The following CUX2 variants were observed in gnomAD, a reference collection of about 807,000 sequenced individuals.
CUX2 encodes the protein homeobox protein cut-like 2.
Under a neutral mutation model 144.8 loss-of-function variants are expected in CUX2, and 40 were observed. The ratio of observed to expected loss-of-function variants is 0.28; its 90% CI spans 0.21 to 0.36. The LOEUF is 0.36. Among genes scored for constraint, CUX2 ranks in the 10% least tolerant of loss-of-function variants. The pLI is 1.00. For synonymous variants in CUX2, 827 were observed against 875.6 expected, an observed-to-expected ratio of 0.94 and a Z score of 0.98; for missense variants, 1,615 against 1,994.0, an observed-to-expected ratio of 0.81 and a Z score of 3.62.
intron 17 of CUX2, among the ~76,000 whole-genome samples, chr12:111,321,062 T>TG (rs938956223): frequency 6.6e-6 from 1 of 152,204 alleles, no homozygotes; most frequent in Non-Finnish European, 1.5e-5. Context: ...CAGGACTTGG[T>TG]GGCTCACGCC....
At chr12:111,157,615 A>G (rs1480031891) in intron 1 of CUX2, among the ~76,000 whole-genome samples, 1 of 152,240 alleles carries the variant, frequency 6.6e-6, no homozygotes, top group Non-Finnish European at 1.5e-5. Context: ...TGGGCTTTAC[A>G]TGAAAAGTCC....
chr12:111,262,995 T>C (rs944384049), intron 3 of CUX2, among the ~76,000 whole-genome samples: 1 of 152,148 alleles, frequency 6.6e-6, no homozygotes, highest in African/African-American at 2.4e-5. Context: ...AGGAGGTAGG[T>C]CCTGTTATTT....
intron 1 of CUX2, among the ~76,000 whole-genome samples, chr12:111,203,273 A>G (rs1380637172): frequency 6.6e-6 from 1 of 150,536 alleles, no homozygotes; most frequent in African/African-American, 2.4e-5. Flanking sequence ...GGCCAGGTGC[A>G]GTAGTGCACT....
intron 21 of CUX2, among the ~76,000 whole-genome samples, chr12:111,346,345 G>A (rs766920582): frequency 7.3e-5 from 11 of 151,024 alleles, no homozygotes; most frequent in Non-Finnish European, 1.2e-4. Flanking sequence ...GCATGATGGC[G>A]CCCACCAGTA....
rs531079767 is a variant in CUX2 at position 111,317,722 on chromosome 12, G to A, written c.2003-2290G>A. On this transcript the variant is annotated intron_variant, in intron 16 of 21. Coordinates refer to ENST00000261726, the MANE Select transcript of CUX2 (RefSeq NM_015267.4). ...AGAAAACATGTGATACCGACCGGGC[G>A]CGGTGGCTCACACCTGTAATCCTAG... Among the ~76,000 whole-genome samples the A allele has an allele frequency of 9.2e-5, 14 of 152,296 alleles. No individual in the cohort carries two copies. The South Asian group carries it at 2.1e-3, about 23-fold the overall frequency.
In CUX2 at chr12:111,320,046, C is replaced by T. The variant is rs745929765; in HGVS notation, c.2037C>T (p.Ile679=). Residue 679 remains isoleucine (I), a synonymous_variant, in exon 17 of 22, where the codon ATC becomes ATT. Coordinates refer to ENST00000261726, the MANE Select transcript of CUX2 (RefSeq NM_015267.4). This position sits in a 1 kb window ranked among gnomAD's most constrained non-coding sequence, Gnocchi z 8.1. ...EPKTSVAPLS[I]ANGTTPASTS... ...AGACCTCGGTGGCCCCGCTGAGCAT[C>T]GCCAACGGCACGACCCCCGCCAGCA... The T allele has an allele frequency of 2.7e-5, 42 of 1,542,078 alleles. No homozygotes were observed. Among genetic ancestry groups the T allele is most frequent in the East Asian group, 1.9e-4 (8 of 41,298 alleles).
intron 1 of CUX2, among the ~76,000 whole-genome samples, chr12:111,062,411 A>G (rs570291707): frequency 6.6e-6 from 1 of 152,348 alleles, no homozygotes; most frequent in East Asian, 1.9e-4. Flanking sequence ...TGTCATGTAA[A>G]AAAAGGCTTG....
At chr12:111,234,112 C>T (rs1454563335) in intron 3 of CUX2, among the ~76,000 whole-genome samples, 1 of 152,118 alleles carries the variant, frequency 6.6e-6, no homozygotes, top group Non-Finnish European at 1.5e-5. Context: ...ATTATATGCC[C>T]AAGAGTGGGT....
chr12:111,051,282 CT>C (rs1205197009), intron 1 of CUX2, among the ~76,000 whole-genome samples: 6 of 152,022 alleles, frequency 3.9e-5, no homozygotes, highest in Non-Finnish European at 7.4e-5. Flanking sequence ...CTTCTATTTT[CT>C]TGTTGATTTT....
At position 111,160,121 on chromosome 12, in the gene CUX2, G is replaced by A. The variant is rs1167905773; in HGVS notation, c.64-54079G>A. On this transcript the variant is annotated intron_variant, in intron 1 of 21. Coordinates refer to ENST00000261726, the MANE Select transcript of CUX2 (RefSeq NM_015267.4). The surrounding 1 kb of genome is among the most constrained non-coding windows in gnomAD (Gnocchi z 4.1). Reference sequence around the variant, plus strand: ...TCATTGAGCTCCTGCTGGGTGCTGGGCGCTGGGAATACAGCAATGAACAGA... The same window carrying A: ...TCATTGAGCTCCTGCTGGGTGCTGGACGCTGGGAATACAGCAATGAACAGA... Among the ~76,000 whole-genome samples the A allele has an allele frequency of 6.6e-6, 1 of 152,210 alleles. No individual in the cohort carries two copies. The highest frequency in any genetic ancestry group is 1.5e-5 in the Non-Finnish European group (1 of 68,044).
At chr12:111,164,708 A>C (rs1204576535) in intron 1 of CUX2, among the ~76,000 whole-genome samples, 2 of 152,242 alleles carry the variant, frequency 1.3e-5, no homozygotes, top group East Asian at 3.9e-4. Context: ...TTGCTTTGGG[A>C]GTTTATGAAA....
chr12:111,201,704 G>C (rs1880609031), intron 1 of CUX2, among the ~76,000 whole-genome samples: 1 of 152,170 alleles, frequency 6.6e-6, no homozygotes, highest in African/African-American at 2.4e-5. Context: ...TCTCAGCCCT[G>C]CATGCCAGAG....
chr12:111,212,571 G>A (rs1470794381), intron 1 of CUX2, among the ~76,000 whole-genome samples: 1 of 152,184 alleles, frequency 6.6e-6, no homozygotes, highest in African/African-American at 2.4e-5. Context: ...GCCTCACTAT[G>A]TTGCCCAGGC....
At chr12:111,113,771 G>T (rs769654487) in intron 1 of CUX2, among the ~76,000 whole-genome samples, 2 of 152,084 alleles carry the variant, frequency 1.3e-5, no homozygotes, top group Non-Finnish European at 2.9e-5. Context: ...TGGCCAGGCT[G>T]GTCTCGAACC....
At chr12:111,143,817 T>C (rs1172036390) in intron 1 of CUX2, among the ~76,000 whole-genome samples, 4 of 152,224 alleles carry the variant, frequency 2.6e-5, no homozygotes, top group Non-Finnish European at 5.9e-5. Flanking sequence ...GGGGTTTTTT[T>C]CTTGGAAGCT....
chr12:111,173,720 T>C (rs948640960), intron 1 of CUX2, among the ~76,000 whole-genome samples: 1 of 152,196 alleles, frequency 6.6e-6, no homozygotes, highest in Non-Finnish European at 1.5e-5. Context: ...AGTTAGGCCA[T>C]TGATTTTCAG....
chr12:111,175,799 G>A (rs1212811703), intron 1 of CUX2, among the ~76,000 whole-genome samples: 1 of 151,456 alleles, frequency 6.6e-6, no homozygotes, highest in South Asian at 2.1e-4. Flanking sequence ...CGGTTGCAAT[G>A]TTTTTGTTTA....
At chr12:111,079,295 CCT>C (rs1437436062) in intron 1 of CUX2, among the ~76,000 whole-genome samples, 1 of 152,194 alleles carries the variant, frequency 6.6e-6, no homozygotes, top group Non-Finnish European at 1.5e-5. Flanking sequence ...CCTCTGGTAG[CCT>C]CTGAGTTTAT....
Position 111,322,754 on chromosome 12 carries a change from T to G in CUX2, c.2926+174T>G, listed in dbSNP as rs561251145. On this transcript the variant is annotated intron_variant, in intron 18 of 21. Transcript: ENST00000261726. The surrounding 1 kb of genome is among the most constrained non-coding windows in gnomAD (Gnocchi z 4.2). ...GAACATGGCGGGGGGTCCTGGGGTT[T>G]CTCTGCTCCCCTTTCTTCCTTCCTC... 6.6e-6 allele frequency among the ~76,000 whole-genome samples: 1 copy of G among 152,290 alleles called. No homozygotes were observed. Among genetic ancestry groups the G allele is most frequent in the East Asian group, 1.9e-4 (1 of 5,176 alleles).
Sources: allele counts gnomAD v4.1 joint callset (sites outside exome capture counted in the v4.1 genomes callset), GRCh38; gene constraint gnomAD v4.1.1; non-coding constraint Gnocchi (gnomAD v3.1); transcripts MANE v1.5; gene names NCBI Gene and HGNC (gene_info 2026-07-23, HGNC 2026-07-21).